The following PCMT1 variants were observed in gnomAD, a reference collection of about 807,000 sequenced individuals.
PCMT1 encodes protein-L-isoaspartate (D-aspartate) O-methyltransferase.
A neutral mutation model predicts 29.2 loss-of-function variants in PCMT1; 9 were observed. That is an observed-to-expected ratio of 0.31 (90% CI 0.19 to 0.54). The LOEUF is 0.54. Ranked by LOEUF, PCMT1 falls within the 20% of genes least tolerant of loss-of-function variation. The pLI is 0.95. For missense variants in PCMT1, 184 were observed against 282.2 expected, an observed-to-expected ratio of 0.65 and a Z score of 2.49; for synonymous variants, 98 against 97.5, an observed-to-expected ratio of 1.00 and a Z score of -0.03.
At chr6:149,799,544 A>G (rs553367113) in intron 6 of PCMT1, among the ~76,000 whole-genome samples, 12 of 152,344 alleles carry the variant, frequency 7.9e-5, no homozygotes, top group African/African-American at 2.6e-4. Flanking sequence ...TCCATGCACT[A>G]TTTCACAAAA....
chr6:149,811,289 T>TA lies in PCMT1; in HGVS notation c.*712dup, dbSNP rs2115358939. 1.3e-5 allele frequency: 2 copies of TA among 152,872 alleles called. No individual in the cohort carries two copies. Among genetic ancestry groups the TA allele is most frequent in the Admixed American group, 1.3e-4 (2 of 15,298 alleles). The allele number at this position is 152,872 out of a possible 1,614,324, so 9.5% of individuals were successfully genotyped here. A position where few individuals can be genotyped will look rare whatever the true frequency, so the allele number is the denominator to read the frequency against. ...TCAAAATTATAGGAGACTTGTAGTT[T>TA]AGTGTGGTTTTCTGTTTCTAATTTG... On this transcript the variant is annotated 3_prime_UTR_variant, in exon 8 of 8. Transcript: ENST00000464889.
intron 1 of PCMT1, among the ~76,000 whole-genome samples, chr6:149,752,470 A>G (rs926128708): frequency 2.6e-5 from 4 of 152,258 alleles, no homozygotes; most frequent in Admixed American, 2.0e-4. Flanking sequence ...AAGTGCTTGA[A>G]TTACAGGTGT....
At chr6:149,810,394 C>T (rs1357623682) in intron 7 of PCMT1, among the ~76,000 whole-genome samples, 2 of 152,224 alleles carry the variant, frequency 1.3e-5, no homozygotes, top group Non-Finnish European at 2.9e-5. Flanking sequence ...AGAACTCACG[C>T]CCTTTAGGTT....
chr6:149,758,502 A>G (rs9480009), intron 1 of PCMT1, among the ~76,000 whole-genome samples: 66,135 of 151,346 alleles, frequency 0.44, 15,480 homozygotes, highest in East Asian at 0.81. Flanking sequence ...TAGCCACTGC[A>G]CCTGGCCCAA....
At chr6:149,771,479 G>T (rs1451605141) in intron 2 of PCMT1, among the ~76,000 whole-genome samples, 1 of 152,018 alleles carries the variant, frequency 6.6e-6, no homozygotes. Context: ...TATGTATAAA[G>T]AATTAAAAAC....
At chr6:149,758,732 A>C (rs1786620012) in intron 1 of PCMT1, among the ~76,000 whole-genome samples, 1 of 152,198 alleles carries the variant, frequency 6.6e-6, no homozygotes, top group African/African-American at 2.4e-5. Flanking sequence ...AAAGTTATTA[A>C]GGTATAGTGA....
chr6:149,773,035 A>AT, intron 2 of PCMT1, 103 bp from the exon 3 acceptor site: 4 of 907,746 alleles, frequency 4.4e-6, no homozygotes, highest in Non-Finnish European at 5.1e-6. Flanking sequence ...AAAAAAAAAA[A>AT]GAATTATTGT....
chr6:149,796,354 G>T, intron 5 of PCMT1, 61 bp from the exon 6 acceptor site: 1 of 1,126,756 alleles, frequency 8.9e-7, no homozygotes, highest in South Asian at 1.3e-5. Context: ...TCCTGTACTA[G>T]AATTCTTCAC....
chr6:149,774,574 T>C (rs1210234810), intron 3 of PCMT1, among the ~76,000 whole-genome samples: 3 of 139,840 alleles, frequency 2.1e-5, no homozygotes, highest in Non-Finnish European at 3.1e-5. Context: ...GTTTCGTTCT[T>C]GTGCCCAGGC....
At chr6:149,769,305 A>ATTTTTTTTTT (rs1234622188) in intron 1 of PCMT1, among the ~76,000 whole-genome samples, 26 of 48,092 alleles carry the variant, frequency 5.4e-4, no homozygotes, top group African/African-American at 2.1e-3. Flanking sequence ...TTTGTGCAGG[A>ATTTTTTTTTT]TTCTTTTTTT....
chr6:149,788,520 A>G (rs1397772709), intron 3 of PCMT1, among the ~76,000 whole-genome samples: 1 of 152,238 alleles, frequency 6.6e-6, no homozygotes, highest in East Asian at 1.9e-4. Context: ...ATGTCCCTCA[A>G]TTTGGGTTTG....
At chr6:149,785,316 C>T in intron 3 of PCMT1, among the ~76,000 whole-genome samples, 1 of 115,544 alleles carries the variant, frequency 8.7e-6, no homozygotes, top group African/African-American at 3.6e-5. Context: ...TGGAATAGGG[C>T]ATTTTCGTTC....
At chr6:149,787,148 C>T (rs1358225515) in intron 3 of PCMT1, among the ~76,000 whole-genome samples, 11 of 146,826 alleles carry the variant, frequency 7.5e-5, no homozygotes, top group South Asian at 2.2e-4. Flanking sequence ...TGTGGTGGCG[C>T]GCGCCTGCAA....
intron 6 of PCMT1, 140 bp downstream of exon 6, chr6:149,796,640 CTT>C: frequency 1.8e-6 from 1 of 563,656 alleles, no homozygotes; most frequent in African/African-American, 1.9e-5. Flanking sequence ...AGCTGTTACT[CTT>C]TTCTTTTTTC....
At position 149,786,205 on chromosome 6, in the gene PCMT1, C is replaced by T. The variant is rs1436807666; in HGVS notation, c.193-3749C>T. Among the ~76,000 whole-genome samples, 23 of 106,810 alleles carry T rather than the reference C, an allele frequency of 2.2e-4. 5 individuals carry two copies. The South Asian group carries it at 4.3e-3, about 20-fold the overall frequency. The allele number at this position is 106,810 out of a possible 152,430, so 70.1% of individuals were successfully genotyped here. A position where few individuals can be genotyped will look rare whatever the true frequency, so the allele number is the denominator to read the frequency against. Reference sequence around the variant, plus strand: ...CTCCCAGACGGGGCGGCTGGCCGGGCGGGGGGGCTGACCCCCCCACCTCCC... The same window carrying T: ...CTCCCAGACGGGGCGGCTGGCCGGGTGGGGGGGCTGACCCCCCCACCTCCC... On this transcript the variant is annotated intron_variant, in intron 3 of 7. Coordinates refer to ENST00000464889, the MANE Select transcript of PCMT1 (RefSeq NM_001360452.2).
chr6:149,782,515 G>T (rs1050751743), intron 3 of PCMT1, among the ~76,000 whole-genome samples: 6 of 152,142 alleles, frequency 3.9e-5, no homozygotes, highest in Admixed American at 2.6e-4. Context: ...TCCAGGTTTG[G>T]GATCCTAAAT....
At chr6:149,806,700 C>G (rs1010691650) in intron 7 of PCMT1, among the ~76,000 whole-genome samples, 21 of 152,146 alleles carry the variant, frequency 1.4e-4, no homozygotes, top group African/African-American at 2.4e-4. Flanking sequence ...AGCGATCCCC[C>G]CTGCCTCAGC....
intron 3 of PCMT1, among the ~76,000 whole-genome samples, chr6:149,773,984 A>T (rs1436999489): frequency 1.3e-5 from 2 of 151,548 alleles, no homozygotes; most frequent in East Asian, 1.9e-4. Flanking sequence ...CTTGGGTTTT[A>T]TTTATTTATT....
At chr6:149,791,832 AT>A (rs1284951310) in intron 4 of PCMT1, among the ~76,000 whole-genome samples, 1 of 152,216 alleles carries the variant, frequency 6.6e-6, no homozygotes, top group East Asian at 1.9e-4. Flanking sequence ...GGATGTATTC[AT>A]TTTAAAAAAT....
Sources: gnomAD v4.1 joint callset for allele counts (sites outside exome capture counted in the v4.1 genomes callset) on GRCh38, gnomAD v4.1.1 for gene constraint, MANE v1.5 for transcripts, NCBI Gene and HGNC (gene_info 2026-07-23, HGNC 2026-07-21) for gene names.